TSPEAR: variants seen among roughly 807,000 people sequenced by gnomAD.
TSPEAR encodes thrombospondin type laminin G domain and EAR repeats, also known as thrombospondin-type laminin G domain and EAR repeat-containing protein.
In TSPEAR, 69 loss-of-function variants were observed where a neutral mutation model predicts 71.6. The ratio of observed to expected loss-of-function variants is 0.96; its 90% CI spans 0.79 to 1.18. The LOEUF (loss-of-function observed/expected upper bound fraction) is 1.18. TSPEAR is among the 50% of genes most tolerant of loss of function. TSPEAR has a pLI of 0.00. For missense variants in TSPEAR, 971 were observed against 894.9 expected (o/e 1.09, Z -1.09); for synonymous variants, 402 against 387.2 (o/e 1.04, Z -0.45).
chr21:44,609,844 T>C (rs1235238987), intron 1 of TSPEAR, among the ~76,000 whole-genome samples: 2 of 152,236 alleles, frequency 1.3e-5, no homozygotes, highest in Non-Finnish European at 2.9e-5. Flanking sequence ...AATATTGATA[T>C]TTTACTTCCT....
intron 1 of TSPEAR, among the ~76,000 whole-genome samples, chr21:44,587,828 G>A (rs1979439504): frequency 1.3e-5 from 2 of 152,166 alleles, no homozygotes; most frequent in South Asian, 4.1e-4. Context: ...CCACATATAG[G>A]AGAATGAAAC....
chr21:44,560,898 C>A (rs1340000378), intron 2 of TSPEAR, among the ~76,000 whole-genome samples: 1 of 152,152 alleles, frequency 6.6e-6, no homozygotes, highest in Non-Finnish European at 1.5e-5. Flanking sequence ...CTCAGATCTA[C>A]ACCCTAACAT....
At chr21:44,508,773 C>G (rs1050150486) in intron 10 of TSPEAR, 1 of 1,291,218 alleles carries the variant, frequency 7.7e-7, no homozygotes, top group Non-Finnish European at 1.0e-6. Flanking sequence ...GATGCAACAT[C>G]GGGGGAAGGA....
At chr21:44,671,226 C>T (rs1193159212) in intron 1 of TSPEAR, among the ~76,000 whole-genome samples, 1 of 152,222 alleles carries the variant, frequency 6.6e-6, no homozygotes, top group Non-Finnish European at 1.5e-5. Flanking sequence ...GTCACAACCA[C>T]CACTTATATT....
At position 44,697,242 on chromosome 21, in the gene TSPEAR, T is replaced by C. The variant is rs906503464; in HGVS notation, c.82+14191A>G. ...AGCGACCTGAGCTATGGCAGCCGCG[T>C]CTGCCTTCCTGGTTCCTGTGACTCT... On this transcript the variant is annotated intron_variant, in intron 1 of 11. Coordinates refer to ENST00000323084, the MANE Select transcript of TSPEAR (RefSeq NM_144991.3). 3 of 1,614,036 alleles carry C rather than the reference T, an allele frequency of 1.9e-6. No individual in the cohort carries two copies. The highest frequency in any genetic ancestry group is 1.7e-6 in the Non-Finnish European group (2 of 1,179,976).
chr21:44,639,298 T>C (rs1268801401), intron 1 of TSPEAR, among the ~76,000 whole-genome samples: 1 of 152,202 alleles, frequency 6.6e-6, no homozygotes, highest in Non-Finnish European at 1.5e-5. Context: ...GCTGCTGCAC[T>C]CTTTCCGCCA....
chr21:44,584,372 T>C (rs1190190956), intron 1 of TSPEAR, among the ~76,000 whole-genome samples: 4 of 152,232 alleles, frequency 2.6e-5, no homozygotes, highest in Admixed American at 2.6e-4. Flanking sequence ...ATCTTGGCTG[T>C]TGTGACTAGT....
In TSPEAR at chr21:44,687,368, A is replaced by C. The variant is rs9975249; in HGVS notation, c.82+24065T>G. On this transcript the variant is annotated intron_variant, in intron 1 of 11. Coordinates refer to ENST00000323084, the MANE Select transcript of TSPEAR (RefSeq NM_144991.3). This position sits in a 1 kb window ranked among gnomAD's most constrained non-coding sequence, Gnocchi z 4.4. ...TTGTCCCACTGTATCATAACAGAAA[A>C]AACCGGAACGGCCCATGTGCCCATT... Among the ~76,000 whole-genome samples the C allele has an allele frequency of 0.2, 31,113 of 152,070 alleles. 3,257 individuals are homozygous for C. The highest frequency in any genetic ancestry group is 0.28 in the Middle Eastern group (81 of 294).
chr21:44,523,482 G>C (rs2052779566), intron 8 of TSPEAR, among the ~76,000 whole-genome samples: 1 of 151,976 alleles, frequency 6.6e-6, no homozygotes, highest in Non-Finnish European at 1.5e-5. Context: ...CAGGCAGTTA[G>C]TTTGGTAGTC....
chr21:44,554,072 T>G lies in TSPEAR; in HGVS notation c.303+13713A>C, dbSNP rs180725842. Among the ~76,000 whole-genome samples, 12 of 152,338 alleles carry G rather than the reference T, an allele frequency of 7.9e-5. No homozygotes were observed. In the East Asian group the frequency reaches 2.3e-3, roughly 29 times the overall value. On this transcript the variant is annotated intron_variant, in intron 2 of 11. Transcript: ENST00000323084. Reference sequence around the variant, plus strand: ...AAAGTGATTGTTATGGATGGAATGTTTGTATCCTCCCAAAATTCACATGTT... The same window carrying G: ...AAAGTGATTGTTATGGATGGAATGTGTGTATCCTCCCAAAATTCACATGTT...
chr21:44,542,752 AAAAAAAGAAAAAGAAAAG>A (rs1372722659), intron 2 of TSPEAR, among the ~76,000 whole-genome samples: 2 of 150,546 alleles, frequency 1.3e-5, no homozygotes, highest in African/African-American at 4.9e-5. Context: ...TAAAAAAAAA[AAAAAAAGAAAAAGAAAAG>A]AAAAAAGAAA....
At chr21:44,529,254 T>C (rs2052918161) in intron 5 of TSPEAR, among the ~76,000 whole-genome samples, 1 of 152,122 alleles carries the variant, frequency 6.6e-6, no homozygotes, top group Non-Finnish European at 1.5e-5. Context: ...AGATTCTCCA[T>C]GGCAGGAGTG....
At chr21:44,603,572 C>A (rs1042906393) in intron 1 of TSPEAR, among the ~76,000 whole-genome samples, 1 of 152,206 alleles carries the variant, frequency 6.6e-6, no homozygotes, top group Non-Finnish European at 1.5e-5. Flanking sequence ...GTGTGAACTT[C>A]AGGGGAGGTG....
At position 44,533,723 on chromosome 21, in the gene TSPEAR, G is replaced by C. The variant is rs782555405; in HGVS notation, c.504C>G (p.Val168=). ...GGCCGCAGTCCGTGGTGAGGGAGAA[G>C]ACGCCTGCGGACACAGCCAGGACCA... The part of the protein sequence containing the change: ...HTLVLAVSAG[V]FSLTTDCGLP... The change falls in exon 3 of 12, where the codon GTC becomes GTG. Residue 168 remains valine, a synonymous_variant. Coordinates refer to ENST00000323084, the MANE Select transcript of TSPEAR (RefSeq NM_144991.3). 6.2e-7 allele frequency: 1 copy of C among 1,611,532 alleles called. No individual in the cohort carries two copies. The highest frequency in any genetic ancestry group is 1.3e-5 in the African/African-American group (1 of 74,928).
intron 1 of TSPEAR, among the ~76,000 whole-genome samples, chr21:44,609,037 A>T (rs968608845): frequency 2.8e-4 from 42 of 152,372 alleles, no homozygotes; most frequent in African/African-American, 8.7e-4. Flanking sequence ...GCAGCAAAAA[A>T]AGAGTGAAGT....
intron 1 of TSPEAR, chr21:44,686,733 C>G (rs1237580958): frequency 6.6e-6 from 1 of 152,334 alleles, no homozygotes; most frequent in Non-Finnish European, 1.5e-5. Flanking sequence ...CTTCTCAGTC[C>G]CTGGTGACAG....
At chr21:44,499,960 G>C in intron 11 of TSPEAR, 24 bp from the exon 12 acceptor site, 3 of 1,585,904 alleles carry the variant, frequency 1.9e-6, no homozygotes, top group Non-Finnish European at 2.6e-6. Context: ...AGCGGCAGCC[G>C]GGTCAGCCTG....
At chr21:44,597,553 C>T (rs145999344) in intron 1 of TSPEAR, among the ~76,000 whole-genome samples, 3,501 of 152,000 alleles carry the variant, frequency 0.023, 120 homozygotes, top group African/African-American at 0.078. Flanking sequence ...CTGCCTCAGC[C>T]TCCCAAGTAG....
intron 1 of TSPEAR, among the ~76,000 whole-genome samples, chr21:44,610,316 A>G (rs1981578247): frequency 6.6e-6 from 1 of 152,174 alleles, no homozygotes; most frequent in South Asian, 2.1e-4. Context: ...CCTGGGAGGA[A>G]AAAGTGGTTT....
Sources: gnomAD v4.1 joint callset for allele counts (sites outside exome capture counted in the v4.1 genomes callset) on GRCh38, gnomAD v4.1.1 for gene constraint, Gnocchi (gnomAD v3.1) non-coding constraint, MANE v1.5 for transcripts, NCBI Gene and HGNC (gene_info 2026-07-23, HGNC 2026-07-21) for gene names.